KCTD2: variants seen among roughly 807,000 people sequenced by gnomAD.
KCTD2 encodes the protein BTB/POZ domain-containing protein KCTD2.
Under a neutral mutation model 27.9 loss-of-function variants are expected in KCTD2, and 18 were observed. The ratio of observed to expected loss-of-function variants is 0.64; its 90% CI spans 0.45 to 0.96. KCTD2 has a LOEUF of 0.96. KCTD2 is among the 40% of genes least tolerant of loss of function. The pLI, the probability that KCTD2 is intolerant of heterozygous loss-of-function variation, is 0.00. For synonymous variants in KCTD2, 175 were observed against 148.4 expected (o/e 1.18, Z -1.30); for missense variants, 280 against 348.0 (o/e 0.80, Z 1.56).
At chr17:75,043,995 C>T (rs2073186418), upstream of KCTD2, among the ~76,000 whole-genome samples, 1 of 151,652 alleles carries the variant, frequency 6.6e-6, no homozygotes, top group African/African-American at 2.4e-5. Flanking sequence ...TCGGATTATA[C>T]CCTAGCAGCA....
upstream of KCTD2, among the ~76,000 whole-genome samples, chr17:75,046,741 G>C (rs1165776503): frequency 6.6e-6 from 1 of 151,812 alleles, no homozygotes; most frequent in Non-Finnish European, 1.5e-5. Context: ...CGCGCGCCAA[G>C]GAGGGCTGAG....
chr17:75,041,258 G>A (rs1228439356), intron 3 of KCTD2: 1 of 151,548 alleles, frequency 6.6e-6, no homozygotes, highest in East Asian at 1.9e-4. Flanking sequence ...GGGGGGATGA[G>A]GTGGGAGGAA....
chr17:75,056,956 T>TC (rs1266485981), intron 3 of KCTD2, among the ~76,000 whole-genome samples: 4 of 136,682 alleles, frequency 2.9e-5, no homozygotes, highest in Admixed American at 2.8e-4. Context: ...TTTTTTCTTT[T>TC]TTTTTTTTTT....
intron 3 of KCTD2, among the ~76,000 whole-genome samples, chr17:75,057,064 C>G (rs1330725863): frequency 6.7e-6 from 1 of 150,104 alleles, no homozygotes; most frequent in Non-Finnish European, 1.5e-5. Flanking sequence ...CAGCGATTCA[C>G]CTGCCTCAGC....
chr17:75,034,985 G>A (rs1010222655), intron 2 of KCTD2, among the ~76,000 whole-genome samples: 1 of 152,122 alleles, frequency 6.6e-6, no homozygotes, highest in African/African-American at 2.4e-5. Flanking sequence ...CTAGGCGGGC[G>A]GCTGGGGCCA....
intron 3 of KCTD2, chr17:75,038,979 T>C: frequency 6.2e-7 from 1 of 1,614,234 alleles, no homozygotes; most frequent in Non-Finnish European, 8.5e-7. Context: ...TACTTTTTCT[T>C]GTCTAATTTG....
At chr17:75,045,375 C>T (rs12950646), upstream of KCTD2, among the ~76,000 whole-genome samples, 1 of 152,092 alleles carries the variant, frequency 6.6e-6, no homozygotes, top group Non-Finnish European at 1.5e-5. Flanking sequence ...ACAGGGTTTT[C>T]AGATCAACCG....
chr17:75,045,162 G>A (rs1241200618), upstream of KCTD2, among the ~76,000 whole-genome samples: 1 of 152,206 alleles, frequency 6.6e-6, no homozygotes, highest in African/African-American at 2.4e-5. Context: ...ACAAAAACCA[G>A]CAAGTTTTTA....
At chr17:75,048,301 C>G (rs550720013) in intron 1 of KCTD2, among the ~76,000 whole-genome samples, 1 of 152,258 alleles carries the variant, frequency 6.6e-6, no homozygotes, top group South Asian at 2.1e-4. Context: ...GACACTTAAA[C>G]CATTTCCAGT....
At chr17:75,039,390 G>A in intron 3 of KCTD2, 3 of 893,222 alleles carry the variant, frequency 3.4e-6, no homozygotes, top group Non-Finnish European at 5.3e-6. Flanking sequence ...GAGAAACTGT[G>A]GTTACCCTGA....
intron 2 of KCTD2, among the ~76,000 whole-genome samples, chr17:75,050,505 C>T (rs570386390): frequency 1.3e-5 from 2 of 152,268 alleles, no homozygotes; most frequent in East Asian, 1.9e-4. Context: ...TCAAGTGATC[C>T]ACCTGCCTCA....
At chr17:75,059,999 T>C (rs1428108463) in intron 4 of KCTD2, among the ~76,000 whole-genome samples, 4 of 152,206 alleles carry the variant, frequency 2.6e-5, no homozygotes, top group East Asian at 1.9e-4. Context: ...GAATGTCTTA[T>C]GTAATCCACC....
At chr17:75,041,898 G>A (rs966994592) in intron 3 of KCTD2, 3 of 278,970 alleles carry the variant, frequency 1.1e-5, no homozygotes, top group African/African-American at 2.2e-5. Context: ...CCTAAGAAGG[G>A]GTGAACCGGC....
In KCTD2 at chr17:75,040,692, C is replaced by CCGT. The variant is rs1480605893; in HGVS notation, c.-259+5336_-259+5337insGTC. The CCGT allele has an allele frequency of 2.0e-5, 3 of 153,296 alleles. No individual in the cohort carries two copies. The East Asian group carries it at 5.8e-4, about 30-fold the overall frequency. 9.5% of individuals were successfully genotyped at this position (153,296 alleles called of 1,614,324 possible). On this transcript the variant is annotated intron_variant, in intron 3 of 7. Transcript: ENST00000581589. ...CCTAAGGTCGGGAGTTCGAGACCAG[C>CCGT]CTGACCAACATGGTGAAACCCCGTC... is the stretch of plus-strand genomic sequence containing the variant.
At chr17:75,042,433 C>A, upstream of KCTD2, 2 of 1,540,594 alleles carry the variant, frequency 1.3e-6, no homozygotes, top group South Asian at 2.4e-5. Flanking sequence ...TATATGTTGT[C>A]ATAAGGGCAT....
intron 3 of KCTD2, among the ~76,000 whole-genome samples, chr17:75,056,869 A>G (rs571811354): frequency 2.8e-4 from 43 of 151,192 alleles, no homozygotes; most frequent in Non-Finnish European, 4.1e-4. Context: ...GTGGGCCTCA[A>G]CCCTACCTTC....
chr17:75,062,001 T>C, intron 4 of KCTD2, 119 bp from the exon 5 acceptor site: 3 of 1,152,906 alleles, frequency 2.6e-6, no homozygotes, highest in Admixed American at 2.0e-5. Flanking sequence ...AGAACTCATA[T>C]AAAGAGTTAA....
rs2073436334 is a variant in KCTD2, at chr17:75,064,426, C to T, written c.*1379C>T. 1.3e-5 allele frequency: 2 copies of T among 152,266 alleles called. No homozygotes were observed. The highest frequency in any genetic ancestry group is 4.8e-5 in the African/African-American group (2 of 41,470). 9.4% of individuals were successfully genotyped at this position (152,266 alleles called of 1,614,324 possible). ...GAAAGCCTCCTCGAGCCAGGTGCTC[C>T]TGGGCACCTTCAGAAGTGATGTCCT... On this transcript the variant is annotated 3_prime_UTR_variant, in exon 6 of 6. Coordinates refer to ENST00000322444, the MANE Select transcript of KCTD2 (RefSeq NM_015353.3).
At chr17:75,042,225 C>T, upstream of KCTD2, 1 of 1,614,214 alleles carries the variant, frequency 6.2e-7, no homozygotes. Context: ...GCCACATTGG[C>T]CTTGTAGTAA....
Sources: gnomAD v4.1 joint callset for allele counts (sites outside exome capture counted in the v4.1 genomes callset) on GRCh38, gnomAD v4.1.1 for gene constraint, MANE v1.5 for transcripts, NCBI Gene and HGNC (gene_info 2026-07-23, HGNC 2026-07-21) for gene names.